TMEM132C: variants seen among roughly 807,000 people sequenced by gnomAD.
The protein encoded by TMEM132C is protein phosphatase 1, regulatory subunit 152.
TMEM132C carries 29 observed loss-of-function variants against 61.4 expected under a neutral mutation model. The ratio of observed to expected loss-of-function variants is 0.47; its 90% CI spans 0.35 to 0.64. The LOEUF (loss-of-function observed/expected upper bound fraction) is 0.64. TMEM132C is among the 30% of genes least tolerant of loss of function. The pLI, the probability that TMEM132C is intolerant of heterozygous loss-of-function variation, is 0.00. For missense variants in TMEM132C, 1,408 were observed against 1,476.9 expected (o/e 0.95, Z 0.76); for synonymous variants, 656 against 633.1 (o/e 1.04, Z -0.54).
At chr12:128,512,109 G>A (rs1189400880) in intron 2 of TMEM132C, among the ~76,000 whole-genome samples, 4 of 151,698 alleles carry the variant, frequency 2.6e-5, no homozygotes, top group African/African-American at 7.3e-5. Context: ...TTCTTTTTAA[G>A]GTATGTCATT....
At chr12:128,406,903 A>G in intron 1 of TMEM132C, among the ~76,000 whole-genome samples, 1 of 152,226 alleles carries the variant, frequency 6.6e-6, no homozygotes, top group Admixed American at 6.5e-5. Context: ...TACAACCAGG[A>G]GATCTTGGGC....
intron 3 of TMEM132C, among the ~76,000 whole-genome samples, chr12:128,604,426 TAGATAGA>T (rs1431197221): frequency 2.0e-5 from 3 of 150,528 alleles, no homozygotes; most frequent in Non-Finnish European, 3.0e-5. Context: ...GATAGATAGA[TAGATAGA>T]TAGATAGATA....
intron 2 of TMEM132C, among the ~76,000 whole-genome samples, chr12:128,461,942 G>A (rs1464747511): frequency 1.3e-5 from 2 of 152,124 alleles, no homozygotes; most frequent in African/African-American, 2.4e-5. Flanking sequence ...CATTCTAACC[G>A]CAAAAGCTTG....
chr12:128,590,568 C>T (rs1200893865), intron 3 of TMEM132C, among the ~76,000 whole-genome samples: 6 of 152,186 alleles, frequency 3.9e-5, no homozygotes. Context: ...CACCCGATTC[C>T]TCTGGCCAGA....
chr12:128,528,798 C>T (rs533405032), intron 2 of TMEM132C, among the ~76,000 whole-genome samples: 8 of 152,186 alleles, frequency 5.3e-5, no homozygotes, highest in African/African-American at 1.7e-4. Context: ...GACCATGGCT[C>T]ACCGTGGGGC....
At chr12:128,452,506 T>A (rs1339850975) in intron 2 of TMEM132C, among the ~76,000 whole-genome samples, 1 of 150,622 alleles carries the variant, frequency 6.6e-6, no homozygotes, top group Non-Finnish European at 1.5e-5. Context: ...GATCACTTGA[T>A]CCACTGTGTC....
intron 3 of TMEM132C, among the ~76,000 whole-genome samples, chr12:128,612,505 G>T (rs1387816894): frequency 6.6e-6 from 1 of 152,204 alleles, no homozygotes; most frequent in Admixed American, 6.5e-5. Flanking sequence ...CTGCTGAGTT[G>T]CTGCCTTCTA....
intron 1 of TMEM132C, among the ~76,000 whole-genome samples, chr12:128,357,060 C>T (rs1476113820): frequency 1.3e-5 from 2 of 152,124 alleles, no homozygotes; most frequent in Non-Finnish European, 2.9e-5. Flanking sequence ...CTAAAAAACC[C>T]ATTAAGTTAA....
intron 2 of TMEM132C, chr12:128,439,100 C>T (rs1869695161): frequency 6.5e-6 from 1 of 152,756 alleles, no homozygotes; most frequent in South Asian, 2.1e-4. Context: ...CTTCTGTGGC[C>T]ATATGCTTCT....
At position 128,341,149 on chromosome 12, in the gene TMEM132C, C is replaced by T. The variant is rs553190945; in HGVS notation, c.86-73583C>T. Among the ~76,000 whole-genome samples the T allele has an allele frequency of 3.9e-5, 6 of 152,136 alleles. No individual in the cohort carries two copies. The East Asian group carries it at 7.7e-4, about 20-fold the overall frequency. On this transcript the variant is annotated intron_variant, in intron 1 of 8. Coordinates refer to ENST00000435159, the MANE Select transcript of TMEM132C (RefSeq NM_001136103.3). The stretch of plus-strand genomic sequence containing the variant: ...AGAGACGGGGTTTCACCATCTTGGC[C>T]GGGCTGGTCTCGAACTCCTGACCTC...
At chr12:128,694,937 T>C (rs1474557173) in intron 6 of TMEM132C, among the ~76,000 whole-genome samples, 2 of 152,236 alleles carry the variant, frequency 1.3e-5, no homozygotes, top group Non-Finnish European at 2.9e-5. Context: ...ATGGGCAAGC[T>C]ACCTAACCTC....
At chr12:128,367,304 C>T (rs1873899226) in intron 1 of TMEM132C, among the ~76,000 whole-genome samples, 1 of 152,182 alleles carries the variant, frequency 6.6e-6, no homozygotes, top group Admixed American at 6.5e-5. Flanking sequence ...AAGCACAGTC[C>T]TGAAGTCACA....
At position 128,626,197 on chromosome 12, in the gene TMEM132C, G is replaced by A. The variant is rs755170077; in HGVS notation, c.1305+9862G>A. On this transcript the variant is annotated intron_variant, in intron 4 of 8. Coordinates refer to ENST00000435159, the MANE Select transcript of TMEM132C (RefSeq NM_001136103.3). ...GCTGGAGTGCAGTGGTGCGATCTCG[G>A]TTCACTGCAACCTTCGCCTCCCAGG... is the stretch of plus-strand genomic sequence containing the variant. 4.0e-5 allele frequency among the ~76,000 whole-genome samples: 6 copies of A among 150,764 alleles called. No homozygotes were observed. In the South Asian group the frequency reaches 6.3e-4, roughly 16 times the overall value.
intron 3 of TMEM132C, among the ~76,000 whole-genome samples, chr12:128,606,416 C>T (rs1164485738): frequency 2.6e-5 from 4 of 152,212 alleles, no homozygotes; most frequent in Admixed American, 6.5e-5. Flanking sequence ...TTAAGGGCTT[C>T]GTTTCATCCA....
chr12:128,627,232 G>A (rs926244094), intron 4 of TMEM132C, among the ~76,000 whole-genome samples: 3 of 152,138 alleles, frequency 2.0e-5, no homozygotes, highest in African/African-American at 7.2e-5. Flanking sequence ...TGTTTTGTCT[G>A]ATCATTGTCT....
intron 2 of TMEM132C, among the ~76,000 whole-genome samples, chr12:128,469,260 A>G (rs1870849789): frequency 1.3e-5 from 2 of 152,190 alleles, no homozygotes; most frequent in South Asian, 4.1e-4. Context: ...ATGCACAGAG[A>G]CACATTTTAC....
chr12:128,412,287 C>T (rs1180097363), intron 1 of TMEM132C, among the ~76,000 whole-genome samples: 2 of 152,184 alleles, frequency 1.3e-5, no homozygotes, highest in East Asian at 3.8e-4. Context: ...GCAACACCCT[C>T]CATCTTTTCT....
chr12:128,284,277 A>T (rs527923125), intron 1 of TMEM132C, among the ~76,000 whole-genome samples: 1 of 152,366 alleles, frequency 6.6e-6, no homozygotes, highest in South Asian at 2.1e-4. Context: ...ATTCGTGTTT[A>T]GGAGTGTATA....
intron 1 of TMEM132C, among the ~76,000 whole-genome samples, chr12:128,333,174 G>A (rs573906871): frequency 9.1e-4 from 137 of 151,164 alleles, no homozygotes; most frequent in Non-Finnish European, 1.6e-3. Context: ...TGTGTGTTGT[G>A]TGTGGGAGTG....
Sources: gnomAD v4.1 joint callset for allele counts (sites outside exome capture counted in the v4.1 genomes callset) on GRCh38, gnomAD v4.1.1 for gene constraint, MANE v1.5 for transcripts, NCBI Gene and HGNC (gene_info 2026-07-23, HGNC 2026-07-21) for gene names.